The following DNM1L variants were observed in gnomAD, a reference collection of about 807,000 sequenced individuals.
DNM1L encodes dynamin 1L, also known as dynamin-1-like protein.
A neutral mutation model predicts 92.8 loss-of-function variants in DNM1L; 33 were observed. The ratio of observed to expected loss-of-function variants is 0.36; its 90% confidence interval spans 0.27 to 0.48. The LOEUF is 0.48. Ranked by LOEUF, DNM1L falls within the 20% of genes least tolerant of loss-of-function variation. The pLI is 0.99. For synonymous variants in DNM1L, 284 were observed against 305.0 expected, an observed-to-expected ratio of 0.93 and a Z score of 0.72; for missense variants, 485 against 888.8, an observed-to-expected ratio of 0.55 and a Z score of 5.78.
Position 32,737,855 on chromosome 12 carries a change from T to C in DNM1L, c.1597-10T>C. ...TGATTTTTTTTCCCCCCTGGATTTT[T>C]TGCCTTTAGTCTTCTAAAGTTCCAA... On this transcript the variant is annotated splice_polypyrimidine_tract_variant and intron_variant, in intron 14 of 19. Coordinates refer to ENST00000549701, the MANE Select transcript of DNM1L (RefSeq NM_012062.5). 6.2e-7 allele frequency: 1 copy of C among 1,613,756 alleles called. No individual in the cohort carries two copies. Among genetic ancestry groups the C allele is most frequent in the Non-Finnish European group, 8.5e-7 (1 of 1,179,696 alleles).
intron 5 of DNM1L, among the ~76,000 whole-genome samples, chr12:32,711,428 G>A (rs774637543): frequency 2.0e-5 from 3 of 151,646 alleles, no homozygotes; most frequent in Non-Finnish European, 4.4e-5. Context: ...GTTGCTATTC[G>A]ACATATACAC....
intron 19 of DNM1L, among the ~76,000 whole-genome samples, chr12:32,743,038 G>A (rs533290959): frequency 1.4e-4 from 22 of 151,806 alleles, no homozygotes; most frequent in African/African-American, 5.1e-4. Flanking sequence ...TGGGACTACA[G>A]GCGCCCACCA....
chr12:32,686,022 A>C (rs1951996949), intron 1 of DNM1L, among the ~76,000 whole-genome samples: 1 of 148,860 alleles, frequency 6.7e-6, no homozygotes, highest in Non-Finnish European at 1.5e-5. Context: ...ATTGAGGTGA[A>C]ATTTGCAGAA....
chr12:32,741,033 T>C (rs1335368126), intron 18 of DNM1L, among the ~76,000 whole-genome samples: 2 of 152,230 alleles, frequency 1.3e-5, no homozygotes, highest in Non-Finnish European at 2.9e-5. Flanking sequence ...TTGTGTGAAG[T>C]GATCTATTAG....
At chr12:32,686,388 A>C (rs1592562863) in intron 1 of DNM1L, among the ~76,000 whole-genome samples, 2 of 152,174 alleles carry the variant, frequency 1.3e-5, no homozygotes, top group Admixed American at 1.3e-4. Flanking sequence ...AGTGTCATTT[A>C]GTGCATTCAT....
intron 2 of DNM1L, 128 bp from the exon 3 acceptor site, chr12:32,707,239 G>A: frequency 1.5e-6 from 1 of 666,038 alleles, no homozygotes; most frequent in Non-Finnish European, 2.6e-6. Flanking sequence ...TAAAATACTT[G>A]TTAACTTGTA....
At chr12:32,735,568 A>T (rs2137550741) in intron 13 of DNM1L, among the ~76,000 whole-genome samples, 1 of 152,308 alleles carries the variant, frequency 6.6e-6, no homozygotes, top group South Asian at 2.1e-4. Flanking sequence ...TTTCTGTCAA[A>T]AAAAATTATT....
At chr12:32,728,989 C>T (rs1043361835) in intron 9 of DNM1L, 5 of 151,690 alleles carry the variant, frequency 3.3e-5, no homozygotes, top group African/African-American at 1.2e-4. Context: ...GATGAGGTTT[C>T]ACTGTGTTAG....
chr12:32,687,059 G>T (rs1952043962), intron 1 of DNM1L, among the ~76,000 whole-genome samples: 1 of 151,088 alleles, frequency 6.6e-6, no homozygotes, highest in Admixed American at 6.6e-5. Flanking sequence ...GGCATTATAG[G>T]CATGAGCCAC....
chr12:32,723,153 T>A (rs909499923), intron 9 of DNM1L, among the ~76,000 whole-genome samples: 2 of 151,670 alleles, frequency 1.3e-5, no homozygotes, highest in Non-Finnish European at 2.9e-5. Flanking sequence ...TTTTTTTTAA[T>A]TGAATCCAAA....
At chr12:32,740,660 T>C in intron 18 of DNM1L, 142 bp downstream of exon 18, 1 of 722,210 alleles carries the variant, frequency 1.4e-6, no homozygotes, top group South Asian at 1.9e-5. Context: ...CTTGGGTAAC[T>C]TGTAGCAAGA....
rs4506737 is a variant in DNM1L, at chr12:32,737,978, T to A, written c.1674+36T>A. ...ATTCTTAATCTAAGCCTGCATGCCT[T>A]GTTCTCTGGTACAACATAATCTTCT... On this transcript the variant is annotated intron_variant, in intron 15 of 19. Coordinates refer to ENST00000549701, the MANE Select transcript of DNM1L (RefSeq NM_012062.5). 543,361 of 1,592,920 alleles carry A rather than the reference T, an allele frequency of 0.34. 100,451 individuals are homozygous for A. The highest frequency in any genetic ancestry group is 0.72 in the African/African-American group (53,447 of 74,556).
At chr12:32,712,612 T>G (rs1187852200) in intron 5 of DNM1L, among the ~76,000 whole-genome samples, 1 of 119,632 alleles carries the variant, frequency 8.4e-6, no homozygotes, top group Non-Finnish European at 1.6e-5. Flanking sequence ...ATCGCACCAC[T>G]GCACTCCAGC....
intron 2 of DNM1L, among the ~76,000 whole-genome samples, chr12:32,703,933 ACTTCTGCCCATG>A (rs1952815550): frequency 6.6e-6 from 1 of 152,162 alleles, no homozygotes; most frequent in Non-Finnish European, 1.5e-5. Context: ...CTTGCCCCCT[ACTTCTGCCCATG>A]TAAAAGAATT....
intron 2 of DNM1L, among the ~76,000 whole-genome samples, chr12:32,703,141 G>A (rs1473048242): frequency 6.7e-6 from 1 of 150,184 alleles, no homozygotes; most frequent in African/African-American, 2.5e-5. Flanking sequence ...TATTTGAATT[G>A]TGGGCAGTGT....
At chr12:32,705,677 C>G in intron 2 of DNM1L, 1 of 705,752 alleles carries the variant, frequency 1.4e-6, no homozygotes, top group Non-Finnish European at 2.3e-6. Flanking sequence ...TAGCCACTAA[C>G]TTTACTTTCG....
chr12:32,704,366 G>A (rs7135667), intron 2 of DNM1L, among the ~76,000 whole-genome samples: 51,893 of 151,640 alleles, frequency 0.34, 10,163 homozygotes, highest in African/African-American at 0.53. Context: ...CCTGGCCAAC[G>A]TGGTGAAACC....
chr12:32,713,397 G>A, intron 6 of DNM1L, 26 bp downstream of exon 6: 6 of 1,611,932 alleles, frequency 3.7e-6, no homozygotes, highest in Non-Finnish European at 5.1e-6. Context: ...AATTTAATGA[G>A]ATGCTTATTT....
intron 2 of DNM1L, among the ~76,000 whole-genome samples, chr12:32,703,375 T>C (rs1322425138): frequency 6.6e-6 from 1 of 152,090 alleles, no homozygotes; most frequent in Non-Finnish European, 1.5e-5. Flanking sequence ...AAACACAATA[T>C]AGATTATATA....
Sources: allele counts gnomAD v4.1 joint callset (sites outside exome capture counted in the v4.1 genomes callset), GRCh38; gene constraint gnomAD v4.1.1; transcripts MANE v1.5; gene names NCBI Gene and HGNC (gene_info 2026-07-23, HGNC 2026-07-21).